ZNF688: variants seen among roughly 807,000 people sequenced by gnomAD.
ZNF688 encodes the protein zinc finger protein 688.
A neutral mutation model predicts 13.2 loss-of-function variants in ZNF688; 10 were observed. The observed-to-expected ratio is 0.76, with a 90% CI of 0.47 to 1.28. ZNF688 has a LOEUF of 1.28. Among genes scored for constraint, ZNF688 ranks in the 50% most tolerant of loss-of-function variants. ZNF688 has a pLI of 0.00. For missense variants in ZNF688, 381 were observed against 391.4 expected, an observed-to-expected ratio of 0.97 and a Z score of 0.22; for synonymous variants, 160 against 159.4, an observed-to-expected ratio of 1.00 and a Z score of -0.03.
chr16:30,570,062 G>A lies in ZNF688; in HGVS notation c.685C>T (p.His229Tyr), dbSNP rs779301281. The A allele has an allele frequency of 6.2e-7, 1 of 1,610,952 alleles. No individual in the cohort carries two copies. ...RFKRKFAVEA[H>Y]QWIHRSCSGG... ...GAGCAGGAGCGGTGGATCCACTGGT[G>A]CGCTTCCACTGCGAACTTCCTCTTG... Residue 229 changes from histidine to tyrosine, a missense_variant, in exon 3 of 3, where the codon CAC becomes TAC. By Grantham distance (83) the His-to-Tyr change is moderately conservative. Coordinates refer to ENST00000223459, the MANE Select transcript of ZNF688 (RefSeq NM_145271.4).
At chr16:30,571,738 G>T, upstream of ZNF688, 1 of 1,339,462 alleles carries the variant, frequency 7.5e-7, no homozygotes, top group Non-Finnish European at 9.5e-7. Context: ...GCCCAGCCGT[G>T]GCGTCCGAAC....
Position 30,570,095 on chromosome 16 carries a change from T to A in ZNF688, c.652A>T (p.Met218Leu), listed in dbSNP as rs945738749. 1 of 1,611,458 alleles carries A rather than the reference T, an allele frequency of 6.2e-7. No individual in the cohort carries two copies. Among genetic ancestry groups the A allele is most frequent in the African/African-American group, 1.3e-5 (1 of 74,886 alleles). Residue 218 changes from methionine to leucine, a missense_variant, in exon 3 of 3, where the codon ATG becomes TTG. Coordinates refer to ENST00000223459, the MANE Select transcript of ZNF688 (RefSeq NM_145271.4). ...ERPFPCPECGMRFKRKFAVEA... is the reference protein window; with the variant it reads ...ERPFPCPECGLRFKRKFAVEA... Reference sequence around the variant, plus strand: ...ACTGCGAACTTCCTCTTGAAGCGCATGCCACACTCGGGGCAGGGGAAAGGC... The same window carrying A: ...ACTGCGAACTTCCTCTTGAAGCGCAAGCCACACTCGGGGCAGGGGAAAGGC...
At chr16:30,572,445 C>T, upstream of ZNF688, 4 of 651,196 alleles carry the variant, frequency 6.1e-6, no homozygotes, top group South Asian at 4.9e-5. Flanking sequence ...CTGCGGAGTC[C>T]ACCCAGCCCC....
chr16:30,577,364 A>G (rs1012945224), upstream of ZNF688, among the ~76,000 whole-genome samples: 5 of 151,942 alleles, frequency 3.3e-5, no homozygotes, highest in Non-Finnish European at 7.4e-5. Context: ...AATATTAACT[A>G]AACAGATTGA....
chr16:30,570,058 T>G lies in ZNF688; in HGVS notation c.689A>C (p.Gln230Pro). The G allele has an allele frequency of 1.2e-6, 2 of 1,610,976 alleles. No homozygotes were observed. The highest frequency in any genetic ancestry group is 2.2e-5 in the East Asian group (1 of 44,834). Residue 230 changes from glutamine (Q) to proline (P), a missense_variant, in exon 3 of 3, where the codon CAG becomes CCG. Coordinates refer to ENST00000223459, the MANE Select transcript of ZNF688 (RefSeq NM_145271.4). ...FKRKFAVEAH[Q>P]WIHRSCSGGR... is the part of the protein sequence containing the mutation. ...CCCGGAGCAGGAGCGGTGGATCCAC[T>G]GGTGCGCTTCCACTGCGAACTTCCT...
At chr16:30,573,104 CCATATT>C (rs1458600178), upstream of ZNF688, among the ~76,000 whole-genome samples, 2 of 151,852 alleles carry the variant, frequency 1.3e-5, no homozygotes, top group Admixed American at 1.3e-4. Context: ...CGGGGTTTCT[CCATATT>C]AAGTCAGGCT....
chr16:30,570,875 C>T (rs1567514244), intron 2 of ZNF688, 135 bp downstream of exon 2: 1 of 987,404 alleles, frequency 1.0e-6, no homozygotes. Context: ...TGTACCAGGT[C>T]TGCCTTCTTT....
rs768612233 is a variant in ZNF688, at chr16:30,570,344, G to A, written c.403C>T (p.Leu135=). 4 of 1,614,082 alleles carry A rather than the reference G, an allele frequency of 2.5e-6. No homozygotes were observed. The highest frequency in any genetic ancestry group is 3.4e-6 in the Non-Finnish European group (4 of 1,180,036). ...KAPVKESPEV[L]VERNPDPAIS... is the part of the protein sequence containing the mutation. ...GCTGGGTCAGGGTTGCGTTCCACCA[G>A]CACTTCAGGACTCTCCTTCACAGGA... The change falls in exon 3 of 3, where the codon CTG becomes TTG. Residue 135 remains leucine, a synonymous_variant. Transcript: ENST00000223459.
In ZNF688 at chr16:30,571,472, T is replaced by C. The variant is rs2051681129; in HGVS notation, c.158A>G (p.Asp53Gly). The C allele has an allele frequency of 3.1e-6, 5 of 1,588,400 alleles. No individual in the cohort carries two copies. The highest frequency in any genetic ancestry group is 2.3e-5 in the East Asian group (1 of 43,380). ...LRPAQRALYR[D>G]VMQETYGHLG... ...GTGGCCGTAGGTCTCCTGCATCACG[T>C]CCCGGTACAGAGCCCTCTGCGCGGG... Residue 53 changes from aspartate to glycine, a missense_variant, in exon 1 of 3, where the codon GAC becomes GGC. Coordinates refer to ENST00000223459, the MANE Select transcript of ZNF688 (RefSeq NM_145271.4).
upstream of ZNF688, among the ~76,000 whole-genome samples, chr16:30,576,156 T>C (rs1055340322): frequency 1.3e-5 from 2 of 152,172 alleles, no homozygotes; most frequent in Non-Finnish European, 2.9e-5. Flanking sequence ...CAACCGATTC[T>C]CCTGCCTCAG....
chr16:30,570,942 T>G, intron 2 of ZNF688, 68 bp downstream of exon 2: 1 of 1,538,238 alleles, frequency 6.5e-7, no homozygotes, highest in Non-Finnish European at 9.0e-7. Flanking sequence ...AGTGGGGGCC[T>G]GAAAAGAAAC....
the ZNF688 span, chr16:30,579,427 G>A: frequency 5.4e-6 from 1 of 184,832 alleles, no homozygotes; most frequent in South Asian, 1.1e-4. Flanking sequence ...CTGCTTTGTA[G>A]CCCAGGCTGG....
intron 2 of ZNF688, 67 bp downstream of exon 2, chr16:30,570,943 G>T (rs1156677220): frequency 6.5e-7 from 1 of 1,545,324 alleles, no homozygotes; most frequent in South Asian, 1.1e-5. Context: ...GTGGGGGCCT[G>T]AAAAGAAACT....
chr16:30,575,248 CTTT>C (rs35676278), upstream of ZNF688, among the ~76,000 whole-genome samples: 8 of 139,872 alleles, frequency 5.7e-5, no homozygotes, highest in African/African-American at 5.3e-5. Context: ...CATGGTAGTT[CTTT>C]TTTTTTTTTT....
upstream of ZNF688, chr16:30,572,435 C>T: frequency 1.3e-6 from 1 of 748,518 alleles, no homozygotes; most frequent in Non-Finnish European, 1.9e-6. Flanking sequence ...AGTAGCTTAG[C>T]TGCGGAGTCC....
At chr16:30,576,696 G>C (rs1567517037), upstream of ZNF688, among the ~76,000 whole-genome samples, 3 of 152,144 alleles carry the variant, frequency 2.0e-5, no homozygotes, top group Non-Finnish European at 4.4e-5. Context: ...TAGTGGTGTT[G>C]AGCATTTTTT....
upstream of ZNF688, among the ~76,000 whole-genome samples, chr16:30,576,218 TTTTG>T (rs2051745603): frequency 1.3e-5 from 2 of 151,776 alleles, no homozygotes; most frequent in Non-Finnish European, 2.9e-5. Context: ...CAGCTAATTT[TTTTG>T]TTTGTTTGAG....
upstream of ZNF688, chr16:30,571,781 C>A: frequency 7.6e-7 from 1 of 1,323,912 alleles, no homozygotes; most frequent in Non-Finnish European, 9.6e-7. Flanking sequence ...CAGGGACTGG[C>A]TGCTAGGGAT....
intron 2 of ZNF688, 152 bp downstream of exon 2, chr16:30,570,857 GA>G (rs1248203767): frequency 1.1e-6 from 1 of 876,658 alleles, no homozygotes; most frequent in East Asian, 2.6e-5. Flanking sequence ...CCCATGTTCT[GA>G]AAACTTTGTA....
Sources: allele counts gnomAD v4.1 joint callset (sites outside exome capture counted in the v4.1 genomes callset), GRCh38; gene constraint gnomAD v4.1.1; transcripts MANE v1.5; gene names NCBI Gene and HGNC (gene_info 2026-07-23, HGNC 2026-07-21).